The following DICER1 variants were observed in gnomAD, a reference collection of about 807,000 sequenced individuals.
DICER1 encodes the protein endoribonuclease Dicer.
A neutral mutation model predicts 194.1 loss-of-function variants in DICER1; 43 were observed. The ratio of observed to expected loss-of-function variants is 0.22; its 90% CI spans 0.17 to 0.29. DICER1 has a LOEUF of 0.29. Ranked by LOEUF, DICER1 falls within the 10% of genes least tolerant of loss-of-function variation. The pLI is 1.00. For missense variants in DICER1, 1,608 were observed against 2,317.0 expected, an observed-to-expected ratio of 0.69 and a Z score of 6.28; for synonymous variants, 832 against 820.5, an observed-to-expected ratio of 1.01 and a Z score of -0.24.
At chr14:95,109,541 T>C (rs745975046) in intron 14 of DICER1, among the ~76,000 whole-genome samples, 1 of 152,180 alleles carries the variant, frequency 6.6e-6, no homozygotes, top group African/African-American at 2.4e-5. Context: ...GCCAATACTA[T>C]GCTTTTAGAA....
Position 95,132,315 on chromosome 14 carries a change from A to G in DICER1, c.307+200T>C, listed in dbSNP as rs140623483. ...TATGTTCCAAAAGCAATCCATTCAAAAGAAATACAGAAGCAGAACATTTAA... is the reference window on the plus strand; with the variant it reads ...TATGTTCCAAAAGCAATCCATTCAAGAGAAATACAGAAGCAGAACATTTAA... On this transcript the variant is annotated intron_variant, in intron 3 of 26. Coordinates refer to ENST00000343455, the MANE Select transcript of DICER1 (RefSeq NM_177438.3). 5.3e-3 allele frequency among the ~76,000 whole-genome samples: 805 copies of G among 152,368 alleles called. 10 individuals carry two copies. Among genetic ancestry groups the G allele is most frequent in the South Asian group, 0.022 (104 of 4,828 alleles).
At chr14:95,117,927 C>T (rs1892626046) in intron 8 of DICER1, among the ~76,000 whole-genome samples, 173 bp from the exon 9 acceptor site, 1 of 152,192 alleles carries the variant, frequency 6.6e-6, no homozygotes, top group African/African-American at 2.4e-5. Flanking sequence ...TCACTCTTCA[C>T]CACATAGATC....
rs766545351 is a variant in DICER1, at chr14:95,103,816, T to C, written c.3580A>G (p.Arg1194Gly). The C allele has an allele frequency of 1.2e-6, 2 of 1,614,224 alleles. No individual in the cohort carries two copies. The highest frequency in any genetic ancestry group is 1.7e-6 in the Non-Finnish European group (2 of 1,180,034). Reference protein sequence around the residue: ...LANGSYDLANRDFCQGNQLNY... With the variant: ...LANGSYDLANGDFCQGNQLNY... ...AGCTGATTTCCTTGGCAAAAGTCTC[T>C]GTTAGCTAAATCATAACTGCCATTG... The change falls in exon 21 of 27, where the codon AGA (arginine) becomes GGA (glycine). Residue 1194 changes from arginine to glycine, a missense_variant. Physicochemically the swap from Arg to Gly is moderately radical, Grantham distance 125. Transcript: ENST00000343455.
rs1417415303 is a variant in DICER1 at position 95,157,489 on chromosome 14, G to A, written c.-305C>T. On this transcript the variant is annotated 5_prime_UTR_variant, in exon 1 of 27. Coordinates refer to ENST00000343455, the MANE Select transcript of DICER1 (RefSeq NM_177438.3). ...CCCGGCTGGCCGGCAGCCAGCGCAC[G>A]GCCCGCGGCAACGGCGCACAGCCGC... 6.6e-6 allele frequency: 1 copy of A among 152,296 alleles called. No homozygotes were observed. The highest frequency in any genetic ancestry group is 1.5e-5 in the Non-Finnish European group (1 of 68,142). The allele number at this position is 152,296 out of a possible 1,614,324, so 9.4% of individuals were successfully genotyped here.
intron 8 of DICER1, among the ~76,000 whole-genome samples, chr14:95,120,848 T>C (rs1240628058): frequency 6.6e-6 from 1 of 152,132 alleles, no homozygotes; most frequent in African/African-American, 2.4e-5. Flanking sequence ...CATATAGATA[T>C]ATCCCTCTCC....
chr14:95,106,571 G>A (rs899912943), intron 17 of DICER1, among the ~76,000 whole-genome samples: 3 of 151,742 alleles, frequency 2.0e-5, no homozygotes, highest in Non-Finnish European at 4.4e-5. Flanking sequence ...TATTACTAAT[G>A]CTAAACATTA....
At chr14:95,112,859 C>A (rs1234591361) in intron 12 of DICER1, among the ~76,000 whole-genome samples, 1 of 152,176 alleles carries the variant, frequency 6.6e-6, no homozygotes, top group African/African-American at 2.4e-5. Flanking sequence ...GTAAATTAGA[C>A]AGTCTATTAC....
intron 2 of DICER1, 118 bp from the exon 3 acceptor site, chr14:95,132,795 T>A: frequency 2.9e-6 from 3 of 1,028,554 alleles, no homozygotes; most frequent in Admixed American, 2.2e-5. Flanking sequence ...CTCCAATAAA[T>A]TTACAAAAAA....
intron 4 of DICER1, 97 bp downstream of exon 4, chr14:95,131,412 C>G (rs1893937396): frequency 1.4e-5 from 17 of 1,232,978 alleles, no homozygotes; most frequent in Non-Finnish European, 1.9e-5. Context: ...AATTAGTTTT[C>G]AAACCTAAAT....
At chr14:95,099,709 C>T in intron 22 of DICER1, 71 bp downstream of exon 22, 2 of 1,543,878 alleles carry the variant, frequency 1.3e-6, no homozygotes, top group Non-Finnish European at 1.7e-6. Context: ...ATTTGGCTCA[C>T]CGAAAAGTAA....
At chr14:95,109,294 T>C (rs917263805) in intron 14 of DICER1, among the ~76,000 whole-genome samples, 66 of 152,228 alleles carry the variant, frequency 4.3e-4, no homozygotes, top group Admixed American at 7.9e-4. Context: ...ACTGCATCTG[T>C]AGTTAAAAGG....
Position 95,086,457 on chromosome 14 carries a change from TTCAC to T in DICER1, c.*4037_*4040del, listed in dbSNP as rs1369049314. ...TTTTACTTGATTTTAGTAATTTTCC[TTCAC>T]TATTTACAGCAGAAAAGCCAGAAAT... On this transcript the variant is annotated 3_prime_UTR_variant, in exon 27 of 27. Coordinates refer to ENST00000343455, the MANE Select transcript of DICER1 (RefSeq NM_177438.3). 1 of 233,244 alleles carries T rather than the reference TTCAC, an allele frequency of 4.3e-6. No homozygotes were observed. The allele number at this position is 233,244 out of a possible 1,614,324, so 14.4% of individuals were successfully genotyped here.
At chr14:95,098,496 T>C (rs888309315) in intron 22 of DICER1, among the ~76,000 whole-genome samples, 2 of 151,970 alleles carry the variant, frequency 1.3e-5, no homozygotes, top group Non-Finnish European at 2.9e-5. Flanking sequence ...TGAATTCCAA[T>C]AACCAAAGTG....
chr14:95,125,364 G>T (rs548612535), intron 7 of DICER1, among the ~76,000 whole-genome samples: 99 of 151,086 alleles, frequency 6.6e-4, no homozygotes, highest in African/African-American at 2.3e-3. Flanking sequence ...ACCACCACAA[G>T]GTCAGGGCTC....
intron 4 of DICER1, among the ~76,000 whole-genome samples, chr14:95,131,015 A>T (rs372268518): frequency 6.6e-6 from 1 of 152,146 alleles, no homozygotes; most frequent in South Asian, 2.1e-4. Context: ...GAGCAATAAA[A>T]ATTAGTAATT....
intron 24 of DICER1, among the ~76,000 whole-genome samples, chr14:95,092,970 T>C (rs955346320): frequency 5.9e-5 from 9 of 152,232 alleles, no homozygotes; most frequent in African/African-American, 2.2e-4. Context: ...CAGGGCCTAC[T>C]GACTCCTCCA....
chr14:95,123,322 C>G (rs1410935010), intron 8 of DICER1, among the ~76,000 whole-genome samples: 3 of 152,116 alleles, frequency 2.0e-5, no homozygotes, highest in African/African-American at 7.2e-5. Context: ...TAGAACTTTC[C>G]CCAACATTCT....
At chr14:95,118,504 G>C (rs1453497667) in intron 8 of DICER1, among the ~76,000 whole-genome samples, 2 of 152,120 alleles carry the variant, frequency 1.3e-5, no homozygotes, top group African/African-American at 2.4e-5. Flanking sequence ...CCTGAGCTCT[G>C]TCTCTCTTCC....
chr14:95,132,560 C>G lies in DICER1; in HGVS notation c.262G>C (p.Asp88His). 6.2e-7 allele frequency: 1 copy of G among 1,613,984 alleles called. No homozygotes were observed. Residue 88 changes from aspartate to histidine, a missense_variant, in exon 3 of 27, where the codon GAC becomes CAC. Asp to His is a moderately conservative substitution (Grantham distance 81). This residue lies in a region of DICER1 where 657 missense variants were observed against 910.1 expected (regional missense o/e 0.72). Transcript: ENST00000343455. ...TKELSYQIRG[D>H]FSRNGKRTVF... ...GTCCTTTTTCCATTTCTGCTGAAGT[C>G]TCCCCTGATCTGATAGGACAGCTCT...
Sources: allele counts gnomAD v4.1 joint callset (sites outside exome capture counted in the v4.1 genomes callset), GRCh38; gene constraint gnomAD v4.1.1; regional missense constraint gnomAD v4.1.1; transcripts MANE v1.5; gene names NCBI Gene and HGNC (gene_info 2026-07-23, HGNC 2026-07-21).